Variants in WWOX observed in about 807,000 individuals in gnomAD.
The protein encoded by WWOX is WW domain containing oxidoreductase, also known as WW domain-containing oxidoreductase.
Under a neutral mutation model 46.2 loss-of-function variants are expected in WWOX, and 69 were observed. That is an observed-to-expected ratio of 1.49 (90% CI 1.23 to 1.82). The LOEUF (loss-of-function observed/expected upper bound fraction) is 1.82, where lower values mean the gene tolerates loss of function less well. WWOX is among the 40% of genes most tolerant of loss of function. WWOX has a pLI of 0.00. For missense variants in WWOX, 919 were observed against 542.6 expected, an observed-to-expected ratio of 1.69 and a Z score of -6.89; for synonymous variants, 359 against 202.6, an observed-to-expected ratio of 1.77 and a Z score of -6.56.
At chr16:78,630,271 A>G (rs954184990) in intron 8 of WWOX, among the ~76,000 whole-genome samples, 4 of 152,204 alleles carry the variant, frequency 2.6e-5, no homozygotes, top group African/African-American at 9.7e-5. Flanking sequence ...GAGTTAGTAC[A>G]GCAGACTGTC....
At chr16:78,454,334 A>G (rs991193849) in intron 8 of WWOX, among the ~76,000 whole-genome samples, 2 of 143,136 alleles carry the variant, frequency 1.4e-5, no homozygotes, top group African/African-American at 2.7e-5. Flanking sequence ...TTAAAACCCA[A>G]TACATTTATA....
At chr16:78,996,027 C>T (rs1486189099) in intron 8 of WWOX, among the ~76,000 whole-genome samples, 1 of 152,254 alleles carries the variant, frequency 6.6e-6, no homozygotes, top group Admixed American at 6.5e-5. Flanking sequence ...ATTTTCATTT[C>T]ACTGAAAGAA....
intron 8 of WWOX, among the ~76,000 whole-genome samples, chr16:78,472,777 C>G (rs186930573): frequency 4.9e-5 from 7 of 143,094 alleles, no homozygotes; most frequent in Admixed American, 4.3e-4. Context: ...CCATTGTTCT[C>G]CAGCCTGGGC....
chr16:78,618,085 G>T lies in WWOX; in HGVS notation c.1056+185333G>T, dbSNP rs1382858799. 2.0e-5 allele frequency among the ~76,000 whole-genome samples: 3 copies of T among 152,286 alleles called. No individual in the cohort carries two copies. The East Asian group carries it at 5.8e-4, about 29-fold the overall frequency. On this transcript the variant is annotated intron_variant, in intron 8 of 8. Transcript: ENST00000566780. ...TAAATTTTCATGGCAAGCCTAAGAG[G>T]CCATGACTGTCCACATTTTGCCTCT...
At chr16:78,679,558 A>G (rs948719545) in intron 8 of WWOX, among the ~76,000 whole-genome samples, 3 of 152,080 alleles carry the variant, frequency 2.0e-5, no homozygotes, top group African/African-American at 7.2e-5. Flanking sequence ...CTCAAAACAT[A>G]AGTAAATAAA....
intron 8 of WWOX, among the ~76,000 whole-genome samples, chr16:78,600,129 A>C (rs9922893): frequency 0.7 from 106,959 of 151,718 alleles, 37,867 homozygotes; most frequent in Admixed American, 0.75. Context: ...TAAAACCATC[A>C]GATCTCGTGA....
chr16:78,426,194 G>C (rs2083073612), intron 7 of WWOX, among the ~76,000 whole-genome samples: 1 of 152,204 alleles, frequency 6.6e-6, no homozygotes, highest in Admixed American at 6.5e-5. Flanking sequence ...CCTTATCTTT[G>C]CAAATCACAC....
intron 5 of WWOX, among the ~76,000 whole-genome samples, chr16:78,235,155 G>A (rs1327313521): frequency 1.3e-5 from 2 of 152,130 alleles, no homozygotes; most frequent in Non-Finnish European, 2.9e-5. Flanking sequence ...AAAATATTTA[G>A]TATTATTGTT....
chr16:78,629,013 C>T (rs7200698), intron 8 of WWOX, among the ~76,000 whole-genome samples: 22,244 of 152,100 alleles, frequency 0.15, 1,896 homozygotes, highest in African/African-American at 0.23. Flanking sequence ...CCCTTGAACC[C>T]GTTCCAAAAA....
intron 8 of WWOX, among the ~76,000 whole-genome samples, chr16:79,172,887 G>A (rs1193359740): frequency 1.3e-5 from 2 of 151,976 alleles, no homozygotes; most frequent in African/African-American, 4.8e-5. Flanking sequence ...CAGGTGTAGT[G>A]GTGTGCGCCT....
chr16:78,387,549 A>G (rs1238963905), intron 6 of WWOX, among the ~76,000 whole-genome samples: 1 of 152,052 alleles, frequency 6.6e-6, no homozygotes, highest in Non-Finnish European at 1.5e-5. Context: ...ATCCCTTTCT[A>G]ACAGAGAAGG....
At chr16:78,253,507 T>C (rs771918053) in intron 5 of WWOX, among the ~76,000 whole-genome samples, 2 of 152,210 alleles carry the variant, frequency 1.3e-5, no homozygotes, top group Non-Finnish European at 2.9e-5. Context: ...CAGAACTGGA[T>C]GATGGAAGTC....
chr16:79,145,719 A>T (rs1389454088), intron 8 of WWOX, among the ~76,000 whole-genome samples: 1 of 152,256 alleles, frequency 6.6e-6, no homozygotes, highest in African/African-American at 2.4e-5. Flanking sequence ...AATATTCAGT[A>T]AAAATTACTA....
chr16:78,558,704 C>G (rs1031562175), intron 8 of WWOX, among the ~76,000 whole-genome samples: 1 of 152,242 alleles, frequency 6.6e-6, no homozygotes, highest in African/African-American at 2.4e-5. Flanking sequence ...GAGCTGGCCT[C>G]TGCCAGTGTC....
chr16:78,614,932 C>G (rs1019708623), intron 8 of WWOX, among the ~76,000 whole-genome samples: 2 of 152,080 alleles, frequency 1.3e-5, no homozygotes, highest in Non-Finnish European at 2.9e-5. Context: ...TTCCATAGCT[C>G]TTTGTGATGC....
chr16:78,464,520 C>T (rs1355948218), intron 8 of WWOX, among the ~76,000 whole-genome samples: 1 of 152,206 alleles, frequency 6.6e-6, no homozygotes, highest in African/African-American at 2.4e-5. Flanking sequence ...TACCATGTGC[C>T]ATATTTCCTT....
chr16:78,321,761 A>G (rs1327168473), intron 5 of WWOX, among the ~76,000 whole-genome samples: 1 of 152,216 alleles, frequency 6.6e-6, no homozygotes, highest in Non-Finnish European at 1.5e-5. Context: ...CAGCACACAC[A>G]TCACAGGCCC....
intron 8 of WWOX, among the ~76,000 whole-genome samples, chr16:79,034,271 C>G (rs1422195984): frequency 6.6e-6 from 1 of 152,164 alleles, no homozygotes; most frequent in African/African-American, 2.4e-5. Flanking sequence ...GAAAAAGGCA[C>G]TCTCTATAAA....
chr16:78,797,394 T>C (rs915094741), intron 8 of WWOX, among the ~76,000 whole-genome samples: 8 of 116,406 alleles, frequency 6.9e-5, no homozygotes, highest in African/African-American at 2.8e-4. Context: ...AAATCAAATA[T>C]AAAAAGGCAG....
Sources: gnomAD v4.1 joint callset for allele counts (sites outside exome capture counted in the v4.1 genomes callset) on GRCh38, gnomAD v4.1.1 for gene constraint, MANE v1.5 for transcripts, NCBI Gene and HGNC (gene_info 2026-07-23, HGNC 2026-07-21) for gene names.